PPP4R4: variants seen among roughly 807,000 people sequenced by gnomAD.
The protein encoded by PPP4R4 is serine/threonine-protein phosphatase 4 regulatory subunit 4.
PPP4R4 carries 70 observed loss-of-function variants against 121.8 expected under a neutral mutation model. The ratio of observed to expected loss-of-function variants is 0.57; its 90% CI spans 0.47 to 0.70. The LOEUF (loss-of-function observed/expected upper bound fraction) is 0.70. Ranked by LOEUF, PPP4R4 falls within the 30% of genes least tolerant of loss-of-function variation. The pLI, the probability that PPP4R4 is intolerant of heterozygous loss-of-function variation, is 0.00. For missense variants in PPP4R4, 875 were observed against 1,033.6 expected (o/e 0.85, Z 2.10); for synonymous variants, 348 against 355.7 (o/e 0.98, Z 0.24).
chr14:94,273,792 T>G (rs1894481937), intron 23 of PPP4R4, among the ~76,000 whole-genome samples: 1 of 152,116 alleles, frequency 6.6e-6, no homozygotes, highest in Non-Finnish European at 1.5e-5. Flanking sequence ...TAAAAAGTAG[T>G]GCTGGAACCA....
At chr14:94,260,282 TG>T (rs1893712275) in intron 19 of PPP4R4, among the ~76,000 whole-genome samples, 1 of 151,842 alleles carries the variant, frequency 6.6e-6, no homozygotes, top group Admixed American at 6.6e-5. Context: ...AAAAATTAGC[TG>T]GGCATGGTGG....
At chr14:94,225,532 A>G (rs1223579237) in intron 3 of PPP4R4, among the ~76,000 whole-genome samples, 1 of 152,338 alleles carries the variant, frequency 6.6e-6, no homozygotes, top group South Asian at 2.1e-4. Context: ...ACCTGAAATC[A>G]GGTTAAGTAA....
At chr14:94,269,879 A>G (rs1459422678) in intron 23 of PPP4R4, among the ~76,000 whole-genome samples, 1 of 152,214 alleles carries the variant, frequency 6.6e-6, no homozygotes, top group Non-Finnish European at 1.5e-5. Context: ...AGAACTAACA[A>G]GTAAATGTGA....
chr14:94,177,493 A>G (rs1322293787), intron 2 of PPP4R4, among the ~76,000 whole-genome samples: 1 of 152,052 alleles, frequency 6.6e-6, no homozygotes, highest in African/African-American at 2.4e-5. Context: ...GCCTTTTCCC[A>G]CAGTTCTTTT....
chr14:94,206,444 GA>G (rs1890465604), intron 2 of PPP4R4, among the ~76,000 whole-genome samples: 1 of 151,850 alleles, frequency 6.6e-6, no homozygotes, highest in Admixed American at 6.6e-5. Context: ...GATATATTTA[GA>G]CCACTTATAT....
At chr14:94,238,232 A>C (rs117648692) in intron 8 of PPP4R4, among the ~76,000 whole-genome samples, 1 of 152,344 alleles carries the variant, frequency 6.6e-6, no homozygotes, top group East Asian at 1.9e-4. Flanking sequence ...CCACCTCTTA[A>C]AGATTTCACC....
chr14:94,245,495 A>T, intron 12 of PPP4R4, 92 bp from the exon 13 acceptor site: 4 of 594,146 alleles, frequency 6.7e-6, no homozygotes, highest in Non-Finnish European at 8.2e-6. Flanking sequence ...GAAAAAAAAA[A>T]ACCACTACTA....
rs376391255 is a variant in PPP4R4 at position 94,250,224 on chromosome 14, G to A, written c.1664G>A (p.Arg555His). The change falls in exon 15 of 25, where the codon CGT becomes CAT. Residue 555 changes from arginine to histidine, a missense_variant. Physicochemically the swap from Arg to His is conservative, Grantham distance 29. Coordinates refer to ENST00000304338, the MANE Select transcript of PPP4R4 (RefSeq NM_058237.2). ...TCACGAACTCTATGCATTTTTCTGC[G>A]TTATAATCGTAAACAAGAACAGAGA... ...AASRTLCIFL[R>H]YNRKQEQRHE... The A allele has an allele frequency of 4.3e-5, 70 of 1,612,154 alleles. No individual in the cohort carries two copies. The highest frequency in any genetic ancestry group is 5.2e-5 in the Non-Finnish European group (61 of 1,178,842).
intron 3 of PPP4R4, among the ~76,000 whole-genome samples, chr14:94,209,752 A>G (rs1185142592): frequency 3.3e-5 from 5 of 152,122 alleles, no homozygotes; most frequent in Admixed American, 2.0e-4. Flanking sequence ...GCAGAAAGGA[A>G]CAGGTATTTA....
At chr14:94,234,411 A>C in intron 6 of PPP4R4, 151 bp from the exon 7 acceptor site, 1 of 577,466 alleles carries the variant, frequency 1.7e-6, no homozygotes, top group Non-Finnish European at 3.0e-6. Context: ...CAAATTTAAT[A>C]ACATGTAAAA....
intron 16 of PPP4R4, among the ~76,000 whole-genome samples, chr14:94,255,646 C>T (rs79331211): frequency 0.02 from 3,016 of 152,138 alleles, 210 homozygotes; most frequent in South Asian, 0.19. Context: ...CTTCTCACCA[C>T]CTTTTACTGC....
chr14:94,190,951 G>A (rs550915790), intron 2 of PPP4R4, among the ~76,000 whole-genome samples: 1 of 149,974 alleles, frequency 6.7e-6, no homozygotes, highest in Non-Finnish European at 1.5e-5. Context: ...AGACACGTTT[G>A]TGTGCATGTG....
At chr14:94,192,698 A>G (rs1469562250) in intron 2 of PPP4R4, among the ~76,000 whole-genome samples, 1 of 152,152 alleles carries the variant, frequency 6.6e-6, no homozygotes, top group Admixed American at 6.5e-5. Flanking sequence ...GCAAAGCTGG[A>G]GTTCTCAGAT....
At chr14:94,195,007 A>G (rs1213694999) in intron 2 of PPP4R4, among the ~76,000 whole-genome samples, 3 of 152,032 alleles carry the variant, frequency 2.0e-5, no homozygotes, top group Admixed American at 2.0e-4. Flanking sequence ...TTTCCATATT[A>G]CTTTTAACAT....
chr14:94,272,711 G>A (rs1894400929), intron 23 of PPP4R4, among the ~76,000 whole-genome samples: 1 of 152,162 alleles, frequency 6.6e-6, no homozygotes. Flanking sequence ...GAGAAGGCAA[G>A]CCACTGACTG....
At position 94,231,286 on chromosome 14, in the gene PPP4R4, G is replaced by C; in HGVS notation, c.487G>C (p.Val163Leu). 1.2e-6 allele frequency: 2 copies of C among 1,612,364 alleles called. No homozygotes were observed. Among genetic ancestry groups the C allele is most frequent in the Non-Finnish European group, 1.7e-6 (2 of 1,178,668 alleles). The change falls in exon 5 of 25, where the codon GTA becomes CTA. Residue 163 changes from valine to leucine, a missense_variant. Transcript: ENST00000304338. ...WLETLLSVIEVLPKETLRHEI... is the reference protein window; with the variant it reads ...WLETLLSVIELLPKETLRHEI... ...GGAAACTCTTCTGTCTGTTATAGAAGTATTGCCAAAAGAAACCCTACGGCA... is the reference window on the plus strand; with the variant it reads ...GGAAACTCTTCTGTCTGTTATAGAACTATTGCCAAAAGAAACCCTACGGCA...
rs1186074869 is a variant in PPP4R4, at chr14:94,230,705, T to A, written c.413T>A (p.Ile138Asn). Residue 138 changes from isoleucine (I) to asparagine (N), a missense_variant, in exon 4 of 25, where the codon ATT (isoleucine) becomes AAT (asparagine). Physicochemically the swap from Ile to Asn is moderately radical, Grantham distance 149 (BLOSUM62 -3). Coordinates refer to ENST00000304338, the MANE Select transcript of PPP4R4 (RefSeq NM_058237.2). ...TATACCCACTCATTCCTCCAAGTCA[T>A]TCTCCTGCATCTGGAGCACAGGGAC... ...HAYTHSFLQV[I>N]LLHLEHRDTG... The A allele has an allele frequency of 1.2e-6, 2 of 1,613,612 alleles. No individual in the cohort carries two copies. Among genetic ancestry groups the A allele is most frequent in the Admixed American group, 3.3e-5 (2 of 60,018 alleles).
intron 11 of PPP4R4, among the ~76,000 whole-genome samples, chr14:94,244,204 T>C (rs1037246602): frequency 1.3e-5 from 2 of 152,302 alleles, no homozygotes; most frequent in African/African-American, 4.8e-5. Context: ...TTAGGAGTTA[T>C]AACTACCCCG....
At chr14:94,198,024 A>G (rs908762775) in intron 2 of PPP4R4, among the ~76,000 whole-genome samples, 7 of 152,200 alleles carry the variant, frequency 4.6e-5, no homozygotes, top group African/African-American at 1.7e-4. Flanking sequence ...TTATGTGAAC[A>G]TATGCTGTTA....
Sources: allele counts gnomAD v4.1 joint callset (sites outside exome capture counted in the v4.1 genomes callset), GRCh38; gene constraint gnomAD v4.1.1; transcripts MANE v1.5; gene names NCBI Gene and HGNC (gene_info 2026-07-23, HGNC 2026-07-21).